Variants in NALF1 observed in about 807,000 individuals in gnomAD.
NALF1 encodes family with sequence similarity 155 member A.
NALF1 carries 3 observed loss-of-function variants against 48.4 expected under a neutral mutation model. That is an observed-to-expected ratio of 0.06 (90% CI 0.03 to 0.16). The LOEUF is 0.16. Ranked by LOEUF, NALF1 falls within the 10% of genes least tolerant of loss-of-function variation. The pLI is 1.00. For missense variants in NALF1, 526 were observed against 571.5 expected (o/e 0.92, Z 0.81); for synonymous variants, 262 against 245.7 (o/e 1.07, Z -0.62).
intron 1 of NALF1, among the ~76,000 whole-genome samples, chr13:107,692,268 A>G (rs968878014): frequency 6.6e-6 from 1 of 152,136 alleles, no homozygotes; most frequent in Non-Finnish European, 1.5e-5. Context: ...ATTAATGCCA[A>G]TTTTCCTAGC....
At chr13:107,854,297 C>T (rs554509974) in intron 1 of NALF1, among the ~76,000 whole-genome samples, 6 of 152,242 alleles carry the variant, frequency 3.9e-5, no homozygotes, top group Non-Finnish European at 8.8e-5. Context: ...AGGTCACTTG[C>T]ATTTTCATGC....
intron 1 of NALF1, among the ~76,000 whole-genome samples, chr13:107,273,884 C>T (rs922383183): frequency 1.3e-5 from 2 of 152,102 alleles, no homozygotes; most frequent in African/African-American, 4.8e-5. Context: ...ATACCCTCAA[C>T]CATTTGCAAG....
intron 1 of NALF1, among the ~76,000 whole-genome samples, chr13:107,526,975 C>T (rs1055164301): frequency 6.6e-6 from 1 of 152,054 alleles, no homozygotes; most frequent in East Asian, 1.9e-4. Flanking sequence ...TGATCTTAGG[C>T]TGAAGAACCA....
intron 1 of NALF1, among the ~76,000 whole-genome samples, chr13:107,756,609 C>T (rs987415974): frequency 1.3e-5 from 2 of 152,024 alleles, no homozygotes; most frequent in Admixed American, 6.6e-5. Flanking sequence ...CTTTATTAAA[C>T]ACGCATGCTA....
intron 1 of NALF1, among the ~76,000 whole-genome samples, chr13:107,597,650 T>C (rs1388549835): frequency 6.6e-6 from 1 of 151,974 alleles, no homozygotes; most frequent in Non-Finnish European, 1.5e-5. Flanking sequence ...AAAGAAAAAA[T>C]AGTCAATATT....
At chr13:107,854,693 A>G (rs939350968) in intron 1 of NALF1, among the ~76,000 whole-genome samples, 9 of 152,074 alleles carry the variant, frequency 5.9e-5, no homozygotes, top group Non-Finnish European at 8.8e-5. Context: ...CAACATGGCA[A>G]AACACCGTCT....
At chr13:107,213,375 C>T (rs189652364) in intron 1 of NALF1, among the ~76,000 whole-genome samples, 2 of 151,994 alleles carry the variant, frequency 1.3e-5, no homozygotes, top group Non-Finnish European at 1.5e-5. Context: ...AGACCTTATA[C>T]ACTGAGCTAT....
intron 1 of NALF1, among the ~76,000 whole-genome samples, chr13:107,675,414 G>A (rs562021725): frequency 1.1e-4 from 16 of 152,276 alleles, no homozygotes; most frequent in African/African-American, 3.4e-4. Context: ...GCTTTTCTGC[G>A]GATGGGGGGG....
At chr13:107,702,251 C>G (rs927704131) in intron 1 of NALF1, among the ~76,000 whole-genome samples, 4 of 132,754 alleles carry the variant, frequency 3.0e-5, no homozygotes, top group Non-Finnish European at 6.6e-5. Context: ...TGGTTTCACT[C>G]TGTAAAAAAA....
chr13:107,615,380 C>T (rs1400486429), intron 1 of NALF1, among the ~76,000 whole-genome samples: 1 of 152,148 alleles, frequency 6.6e-6, no homozygotes, highest in Admixed American at 6.5e-5. Flanking sequence ...CTTACCCTGC[C>T]TTTCGCATAA....
At chr13:107,489,409 G>A (rs974028691) in intron 1 of NALF1, among the ~76,000 whole-genome samples, 1 of 152,046 alleles carries the variant, frequency 6.6e-6, no homozygotes, top group Admixed American at 6.6e-5. Context: ...AAAACAGCAT[G>A]GTACTCGTAT....
At chr13:107,328,966 A>C (rs994423685) in intron 1 of NALF1, among the ~76,000 whole-genome samples, 1 of 152,226 alleles carries the variant, frequency 6.6e-6, no homozygotes, top group Admixed American at 6.5e-5. Context: ...ACAGTGTTTC[A>C]CCAGTGTGAC....
chr13:107,435,641 A>G (rs1212406055), intron 1 of NALF1, among the ~76,000 whole-genome samples: 1 of 152,212 alleles, frequency 6.6e-6, no homozygotes, highest in African/African-American at 2.4e-5. Context: ...TACTTCATTC[A>G]AACAGGCTGA....
At chr13:107,406,884 TA>T (rs1331353103) in intron 1 of NALF1, among the ~76,000 whole-genome samples, 1 of 152,072 alleles carries the variant, frequency 6.6e-6, no homozygotes, top group African/African-American at 2.4e-5. Flanking sequence ...AGAGCTACAG[TA>T]ACCAAAACAG....
At chr13:107,361,893 C>G (rs1020730091) in intron 1 of NALF1, among the ~76,000 whole-genome samples, 1 of 152,134 alleles carries the variant, frequency 6.6e-6, no homozygotes, top group Non-Finnish European at 1.5e-5. Flanking sequence ...TCACTTTAGG[C>G]AATGGAGGGT....
chr13:107,782,106 C>G (rs947187383), intron 1 of NALF1, among the ~76,000 whole-genome samples: 9 of 152,200 alleles, frequency 5.9e-5, no homozygotes, highest in Non-Finnish European at 1.3e-4. Context: ...GATGCCGAGC[C>G]GAAGCTGGAC....
intron 1 of NALF1, among the ~76,000 whole-genome samples, chr13:107,842,539 T>C (rs1880070019): frequency 6.6e-6 from 1 of 151,840 alleles, no homozygotes; most frequent in African/African-American, 2.4e-5. Context: ...GTTTTTTTTT[T>C]ATTTTAGTGT....
chr13:107,584,768 C>T (rs1028287566), intron 1 of NALF1, among the ~76,000 whole-genome samples: 1 of 152,184 alleles, frequency 6.6e-6, no homozygotes, highest in Admixed American at 6.6e-5. Flanking sequence ...TGTGCCATGC[C>T]TCACTCCACG....
At chr13:107,635,012 C>T (rs1442508062) in intron 1 of NALF1, among the ~76,000 whole-genome samples, 1 of 152,052 alleles carries the variant, frequency 6.6e-6, no homozygotes, top group Non-Finnish European at 1.5e-5. Context: ...TTTCTACTTC[C>T]TATTAATCTA....
Sources: gnomAD v4.1 joint callset for allele counts (sites outside exome capture counted in the v4.1 genomes callset) on GRCh38, gnomAD v4.1.1 for gene constraint, MANE v1.5 for transcripts, NCBI Gene and HGNC (gene_info 2026-07-23, HGNC 2026-07-21) for gene names.